PCSK2: variants seen among roughly 807,000 people sequenced by gnomAD.
PCSK2 encodes neuroendocrine convertase 2.
In PCSK2, 14 loss-of-function variants were observed where a neutral mutation model predicts 69.7. The ratio of observed to expected loss-of-function variants is 0.20; its 90% CI spans 0.13 to 0.31. PCSK2 has a LOEUF of 0.31. Ranked by LOEUF, PCSK2 falls within the 10% of genes least tolerant of loss-of-function variation. The pLI is 1.00. For synonymous variants in PCSK2, 307 were observed against 320.7 expected (o/e 0.96, Z 0.46); for missense variants, 544 against 842.5 (o/e 0.65, Z 4.39).
chr20:17,445,675 G>A (rs113562313), intron 8 of PCSK2, among the ~76,000 whole-genome samples: 1 of 152,216 alleles, frequency 6.6e-6, no homozygotes, highest in East Asian at 1.9e-4. Context: ...GCCACGGGTC[G>A]TACACCATGG....
At chr20:17,243,358 A>G (rs1000972963) in intron 1 of PCSK2, among the ~76,000 whole-genome samples, 1 of 151,842 alleles carries the variant, frequency 6.6e-6, no homozygotes, top group African/African-American at 2.4e-5. Flanking sequence ...ACACCACCTA[A>G]TCTGACTAGG....
intron 2 of PCSK2, among the ~76,000 whole-genome samples, chr20:17,322,231 A>G (rs1039438190): frequency 6.6e-6 from 1 of 152,176 alleles, no homozygotes; most frequent in African/African-American, 2.4e-5. Flanking sequence ...TTGGTCTTGC[A>G]AGGCAGGGCA....
intron 7 of PCSK2, among the ~76,000 whole-genome samples, chr20:17,435,851 C>T (rs7269206): frequency 0.022 from 3,275 of 152,272 alleles, 126 homozygotes; most frequent in African/African-American, 0.075. Flanking sequence ...AACCCAATGG[C>T]GGCTACTGAG....
chr20:17,287,523 A>T (rs975109838), intron 2 of PCSK2, among the ~76,000 whole-genome samples: 2 of 151,982 alleles, frequency 1.3e-5, no homozygotes, highest in African/African-American at 2.4e-5. Context: ...AAACAGGTCA[A>T]GGAGGGGAGG....
chr20:17,255,549 G>A (rs1987145337), intron 1 of PCSK2, among the ~76,000 whole-genome samples: 1 of 152,108 alleles, frequency 6.6e-6, no homozygotes. Context: ...CACTATGTTA[G>A]CCAGGAAGGT....
intron 2 of PCSK2, among the ~76,000 whole-genome samples, chr20:17,280,108 A>G (rs17702825): frequency 0.16 from 24,062 of 152,196 alleles, 2,313 homozygotes; most frequent in Non-Finnish European, 0.22. Context: ...ATGGTTATAC[A>G]TGCACATATG....
chr20:17,415,112 T>C lies in PCSK2; in HGVS notation c.620+5773T>C, dbSNP rs142219199. 8.9e-3 allele frequency among the ~76,000 whole-genome samples: 1,361 copies of C among 152,306 alleles called. 14 individuals carry two copies. The highest frequency in any genetic ancestry group is 0.039 in the South Asian group (186 of 4,830). On this transcript the variant is annotated intron_variant, in intron 6 of 11. Coordinates refer to ENST00000262545, the MANE Select transcript of PCSK2 (RefSeq NM_002594.5). ...TGGGCAAAAACTGGAAGCATTCCCT[T>C]TGAAAACCAGCACAAGACGAGGATG...
intron 1 of PCSK2, among the ~76,000 whole-genome samples, chr20:17,249,412 C>CAGGAG (rs1986887807): frequency 6.8e-6 from 1 of 146,796 alleles, no homozygotes; most frequent in Admixed American, 7.1e-5. Flanking sequence ...GAGGCTGAGG[C>CAGGAG]AGGAGAATGG....
intron 9 of PCSK2, among the ~76,000 whole-genome samples, chr20:17,455,380 G>T (rs2123384576): frequency 6.6e-6 from 1 of 152,246 alleles, no homozygotes; most frequent in South Asian, 2.1e-4. Context: ...CATTGAAAAT[G>T]AGGTTTTTCA....
intron 2 of PCSK2, among the ~76,000 whole-genome samples, chr20:17,338,115 C>G (rs538931862): frequency 6.7e-6 from 1 of 148,266 alleles, no homozygotes; most frequent in Admixed American, 6.7e-5. Context: ...ACTTCCACAC[C>G]TGCATTCCCT....
In PCSK2 at chr20:17,315,689, T is replaced by G. The variant is rs138236610; in HGVS notation, c.283-42638T>G. Among the ~76,000 whole-genome samples, 9 of 152,334 alleles carry G rather than the reference T, an allele frequency of 5.9e-5. No homozygotes were observed. In the East Asian group the frequency reaches 1.7e-3, roughly 29 times the overall value. Reference sequence around the variant, plus strand: ...CATCCTTTCGCACACAACAGGCTCCTGTTCTCTAGGCAGTGATTAAGTGAG... The same window carrying G: ...CATCCTTTCGCACACAACAGGCTCCGGTTCTCTAGGCAGTGATTAAGTGAG... On this transcript the variant is annotated intron_variant, in intron 2 of 11. Coordinates refer to ENST00000262545, the MANE Select transcript of PCSK2 (RefSeq NM_002594.5).
In PCSK2 at chr20:17,313,011, A is replaced by G. The variant is rs543367335; in HGVS notation, c.283-45316A>G. On this transcript the variant is annotated intron_variant, in intron 2 of 11. Transcript: ENST00000262545. ...ACCATCAAGATGAATGCTATCCACT[A>G]GAAATATAAAGGAAGCCACATAGGT... Among the ~76,000 whole-genome samples the G allele has an allele frequency of 3.3e-5, 5 of 152,340 alleles. No individual in the cohort carries two copies. In the East Asian group the frequency reaches 9.7e-4, roughly 29 times the overall value.
chr20:17,420,701 T>A (rs750689394), intron 6 of PCSK2, among the ~76,000 whole-genome samples: 1 of 152,198 alleles, frequency 6.6e-6, no homozygotes, highest in Non-Finnish European at 1.5e-5. Context: ...CAGACGGCAA[T>A]CAATAACTCT....
In PCSK2 at chr20:17,474,836, G is replaced by T. The variant is rs542351608; in HGVS notation, c.1431-6748G>T. On this transcript the variant is annotated intron_variant, in intron 11 of 11. Transcript: ENST00000262545. The stretch of plus-strand genomic sequence containing the variant: ...GGGCTTTTTAAAGAAAGCAAAAGAA[G>T]TGAGGTGACTGAGCCCACAGATGGA... 1.1e-4 allele frequency among the ~76,000 whole-genome samples: 8 copies of T among 74,852 alleles called. No homozygotes were observed. In the East Asian group the frequency reaches 3.3e-3, roughly 31 times the overall value. 49.1% of individuals were successfully genotyped at this position (74,852 alleles called of 152,430 possible).
At chr20:17,257,772 G>C (rs1336040523) in intron 1 of PCSK2, among the ~76,000 whole-genome samples, 2 of 152,148 alleles carry the variant, frequency 1.3e-5, no homozygotes, top group African/African-American at 4.8e-5. Flanking sequence ...TGAGCACTTA[G>C]GGCCTTCTTA....
At chr20:17,357,894 C>CA (rs11429693) in intron 2 of PCSK2, among the ~76,000 whole-genome samples, 30,424 of 120,154 alleles carry the variant, frequency 0.25, 3,725 homozygotes, top group East Asian at 0.56. Context: ...AACTCTGTCT[C>CA]AAAAAAAAAA....
intron 9 of PCSK2, 76 bp from the exon 10 acceptor site, chr20:17,456,272 A>T: frequency 1.3e-6 from 1 of 763,764 alleles, no homozygotes; most frequent in Non-Finnish European, 2.3e-6. Context: ...GGAGTAGATA[A>T]TCCCCTGCTC....
chr20:17,369,314 A>G, intron 5 of PCSK2, 37 bp downstream of exon 5: 1 of 1,569,794 alleles, frequency 6.4e-7, no homozygotes, highest in Non-Finnish European at 8.8e-7. Context: ...AAACAGATGC[A>G]TCTTAAATGT....
intron 1 of PCSK2, among the ~76,000 whole-genome samples, chr20:17,243,957 TTA>T (rs1204130073): frequency 6.6e-6 from 1 of 152,188 alleles, no homozygotes; most frequent in African/African-American, 2.4e-5. Context: ...GCCAGATTTT[TTA>T]TTTTTTTTTC....
Sources: gnomAD v4.1 joint callset for allele counts (sites outside exome capture counted in the v4.1 genomes callset) on GRCh38, gnomAD v4.1.1 for gene constraint, MANE v1.5 for transcripts, NCBI Gene and HGNC (gene_info 2026-07-23, HGNC 2026-07-21) for gene names.